Variants in FANCB observed in about 807,000 individuals in gnomAD.
FANCB encodes the protein FA complementation group B, also known as Fanconi anemia group B protein.
In FANCB, 5 loss-of-function variants were observed where a neutral mutation model predicts 38.9. The observed-to-expected ratio is 0.13, with a 90% CI of 0.07 to 0.27. The LOEUF is 0.27. FANCB is among the 10% of genes least tolerant of loss of function. FANCB has a pLI of 1.00. For synonymous variants in FANCB, 236 were observed against 215.4 expected, an observed-to-expected ratio of 1.10 and a Z score of -0.84; for missense variants, 573 against 602.7, an observed-to-expected ratio of 0.95 and a Z score of 0.52.
chrX:14,865,332 T>C lies in FANCB; in HGVS notation c.179A>G (p.Lys60Arg), dbSNP rs1202096036. 8.4e-7 allele frequency: 1 copy of C among 1,185,060 alleles called. No individual in the cohort carries two copies. Among genetic ancestry groups the C allele is most frequent in the African/African-American group, 1.8e-5 (1 of 56,583 alleles). Residue 60 changes from lysine (K) to arginine (R), a missense_variant, in exon 3 of 10, where the codon AAG becomes AGG. By Grantham distance (26) the Lys-to-Arg change is conservative (BLOSUM62 2). Coordinates refer to ENST00000650831, the MANE Select transcript of FANCB (RefSeq NM_001018113.3). ...FDRGTKVFVQKSTGFFTIKEE... is the reference protein window; with the variant it reads ...FDRGTKVFVQRSTGFFTIKEE... ...CTTTATGGTAAAAAATCCAGTGGAC[T>C]TCTGAACAAATACTTTTGTTCCTCT...
At chrX:14,709,644 A>G in the FANCB span, among the ~76,000 whole-genome samples, 4 of 112,318 alleles carry the variant, frequency 3.6e-5, no homozygotes, top group African/African-American at 9.7e-5. Context: ...GCTAGGACAG[A>G]GATGATCTGC....
At chrX:14,855,782 G>T (rs1295245754) in intron 5 of FANCB, among the ~76,000 whole-genome samples, 1 of 112,059 alleles carries the variant, frequency 8.9e-6, no homozygotes, top group Non-Finnish European at 1.9e-5. Context: ...TTTCCAGACA[G>T]GATTTTCTGT....
downstream of FANCB, chrX:14,834,606 T>A (rs1212030601): frequency 1.4e-5 from 8 of 552,895 alleles, no homozygotes; most frequent in Admixed American, 1.9e-4. Context: ...TGCTTGCATT[T>A]TTGCTTTAAC....
At chrX:14,803,195 A>G in the FANCB span, among the ~76,000 whole-genome samples, 1 of 112,269 alleles carries the variant, frequency 8.9e-6, no homozygotes, top group Non-Finnish European at 1.9e-5. Flanking sequence ...AGATGTTTGC[A>G]TGGGTGGAGA....
the FANCB span, among the ~76,000 whole-genome samples, chrX:14,743,960 G>C: frequency 9.8e-5 from 11 of 111,781 alleles, no homozygotes; most frequent in African/African-American, 3.6e-4. Flanking sequence ...TGTTAATCCA[G>C]TATGACCTCA....
downstream of FANCB, among the ~76,000 whole-genome samples, chrX:14,833,394 A>G (rs749817922): frequency 5.4e-5 from 6 of 112,089 alleles, no homozygotes; most frequent in Non-Finnish European, 1.1e-4. Context: ...AGTGTGGCCC[A>G]TGAACCAGCA....
chrX:14,788,106 G>C, the FANCB span, among the ~76,000 whole-genome samples: 3 of 108,105 alleles, frequency 2.8e-5, no homozygotes, highest in Non-Finnish European at 5.7e-5. Context: ...TACTCAGGCA[G>C]CTGTAGAAAT....
chrX:14,692,345 G>A, the FANCB span, among the ~76,000 whole-genome samples: 1 of 112,319 alleles, frequency 8.9e-6, no homozygotes, highest in Non-Finnish European at 1.9e-5. Context: ...CCAGCACACA[G>A]CAGCAAAAGT....
At chrX:14,867,209 C>T (rs993822006) in intron 2 of FANCB, among the ~76,000 whole-genome samples, 1 of 111,475 alleles carries the variant, frequency 9.0e-6, no homozygotes, top group Non-Finnish European at 1.9e-5. Context: ...CAATGACATT[C>T]TTCACAGAAA....
chrX:14,746,000 G>A, the FANCB span, among the ~76,000 whole-genome samples: 7 of 110,932 alleles, frequency 6.3e-5, no homozygotes, highest in South Asian at 3.8e-4. Flanking sequence ...GCACCCGGCC[G>A]AAACTCTGGA....
chrX:14,787,583 T>C, the FANCB span, among the ~76,000 whole-genome samples: 1 of 110,307 alleles, frequency 9.1e-6, no homozygotes, highest in African/African-American at 3.3e-5. Context: ...GTGTTGGATA[T>C]GTTAATTAGC....
chrX:14,818,008 A>G, the FANCB span, among the ~76,000 whole-genome samples: 1 of 111,553 alleles, frequency 9.0e-6, no homozygotes, highest in Non-Finnish European at 1.9e-5. Flanking sequence ...ACCAAATTTA[A>G]TATTTGGCAA....
At chrX:14,859,952 C>T (rs1401605221) in intron 3 of FANCB, among the ~76,000 whole-genome samples, 1 of 111,414 alleles carries the variant, frequency 9.0e-6, no homozygotes, top group Non-Finnish European at 1.9e-5. Flanking sequence ...GGGAATACAG[C>T]TAGTATCGGG....
chrX:14,865,538 C>A lies in FANCB; in HGVS notation c.-28G>T. The stretch of plus-strand genomic sequence containing the variant: ...CACAATATCAAGTCTTTGTGCTGAT[C>A]TAATTTTCAAATGCAAATTGATTCC... On this transcript the variant is annotated 5_prime_UTR_variant, in exon 3 of 10. The change abolishes the stop of an existing upstream ORF in the 5' untranslated region. Transcript: ENST00000650831. The A allele has an allele frequency of 9.2e-7, 1 of 1,091,732 alleles. No homozygotes were observed. Among genetic ancestry groups the A allele is most frequent in the Non-Finnish European group, 1.3e-6 (1 of 794,535 alleles). 90.0% of individuals were successfully genotyped at this position (1,091,732 alleles called of 1,213,427 possible).
At chrX:14,772,262 C>A in the FANCB span, among the ~76,000 whole-genome samples, 2 of 111,791 alleles carry the variant, frequency 1.8e-5, no homozygotes, top group South Asian at 7.5e-4. Context: ...GAGCTCCATC[C>A]CAGGGAGATA....
chrX:14,771,666 T>C, the FANCB span, among the ~76,000 whole-genome samples: 2 of 111,971 alleles, frequency 1.8e-5, no homozygotes. Context: ...CACCCCAGTT[T>C]TGTGCCATTG....
At chrX:14,725,863 A>G in the FANCB span, among the ~76,000 whole-genome samples, 5 of 112,566 alleles carry the variant, frequency 4.4e-5, no homozygotes, top group Admixed American at 4.7e-4. Context: ...GACGGGATTA[A>G]GGAGATCTTA....
At chrX:14,716,063 T>C in the FANCB span, among the ~76,000 whole-genome samples, 1 of 111,487 alleles carries the variant, frequency 9.0e-6, no homozygotes, top group African/African-American at 3.3e-5. Context: ...ATAGTATGCA[T>C]ACTCACGAAG....
At chrX:14,862,908 A>G (rs1451955953) in intron 3 of FANCB, among the ~76,000 whole-genome samples, 2 of 112,174 alleles carry the variant, frequency 1.8e-5, no homozygotes, top group Non-Finnish European at 3.8e-5. Context: ...GTAAAACACT[A>G]TAGGGTATAC....
Sources: gnomAD v4.1 joint callset for allele counts (sites outside exome capture counted in the v4.1 genomes callset) on GRCh38, gnomAD v4.1.1 for gene constraint, MANE v1.5 for transcripts, NCBI Gene and HGNC (gene_info 2026-07-23, HGNC 2026-07-21) for gene names.